The following SHKBP1 variants were observed in gnomAD, a reference collection of about 807,000 sequenced individuals.
SHKBP1 encodes the protein SH3KBP1-binding protein 1.
SHKBP1 carries 71 observed loss-of-function variants against 83.9 expected under a neutral mutation model. The observed-to-expected ratio is 0.85, with a 90% CI of 0.70 to 1.03. The LOEUF (loss-of-function observed/expected upper bound fraction) is 1.03, where lower values mean the gene tolerates loss of function less well. SHKBP1 is among the 50% of genes least tolerant of loss of function. The probability of loss-of-function intolerance (pLI) is 0.00; values close to 1 mark genes in which losing one functional copy is unlikely to be tolerated. For missense variants in SHKBP1, 824 were observed against 982.4 expected, an observed-to-expected ratio of 0.84 and a Z score of 2.16; for synonymous variants, 371 against 398.0, an observed-to-expected ratio of 0.93 and a Z score of 0.81.
chr19:40,577,497 G>A, intron 3 of SHKBP1, 56 bp downstream of exon 3: 1 of 1,613,966 alleles, frequency 6.2e-7, no homozygotes, highest in Non-Finnish European at 8.5e-7. Context: ...AGGAAGAGGG[G>A]CAGGACCCCA....
Position 40,590,905 on chromosome 19 carries a change from A to G in SHKBP1, c.1892+52A>G, listed in dbSNP as rs752922161. On this transcript the variant is annotated intron_variant, in intron 17 of 17. Coordinates refer to ENST00000291842, the MANE Select transcript of SHKBP1 (RefSeq NM_138392.4). The surrounding 1 kb of genome is among the most constrained non-coding windows in gnomAD (Gnocchi z 4.6). ...GTGCAATGAGGGGAGAGGGGACAGCATGGTGTTCCCGGGGACAGAGTGGCC... is the reference window on the plus strand; with the variant it reads ...GTGCAATGAGGGGAGAGGGGACAGCGTGGTGTTCCCGGGGACAGAGTGGCC... 1.4e-5 allele frequency: 22 copies of G among 1,569,874 alleles called. No homozygotes were observed. Among genetic ancestry groups the G allele is most frequent in the Admixed American group, 6.9e-5 (4 of 58,054 alleles).
intron 15 of SHKBP1, 118 bp downstream of exon 15, chr19:40,589,296 G>C: frequency 9.6e-7 from 1 of 1,043,550 alleles, no homozygotes; most frequent in Non-Finnish European, 1.4e-6. Context: ...TCCCAGCCAA[G>C]GAGCATTGAA....
chr19:40,578,733 G>C (rs908227094), intron 6 of SHKBP1, among the ~76,000 whole-genome samples, 191 bp downstream of exon 6: 2 of 152,138 alleles, frequency 1.3e-5, no homozygotes, highest in Admixed American at 1.3e-4. Flanking sequence ...CAATGGGCCA[G>C]CTAACTCTTG....
rs111870500 is a variant in SHKBP1, at chr19:40,582,991, A to T, written c.961-407A>T. On this transcript the variant is annotated intron_variant, in intron 10 of 17. Coordinates refer to ENST00000291842, the MANE Select transcript of SHKBP1 (RefSeq NM_138392.4). ...TGGGGGAACTCAGAGAGATAAATGGAGATGAATTAGAGTCATGTCAGAAGT... is the reference window on the plus strand; with the variant it reads ...TGGGGGAACTCAGAGAGATAAATGGTGATGAATTAGAGTCATGTCAGAAGT... Among the ~76,000 whole-genome samples the T allele has an allele frequency of 5.1e-3, 776 of 151,954 alleles. 2 individuals carry two copies. Among genetic ancestry groups the T allele is most frequent in the African/African-American group, 0.018 (737 of 41,420 alleles).
chr19:40,585,200 G>A (rs999792536), intron 12 of SHKBP1, among the ~76,000 whole-genome samples: 3 of 152,034 alleles, frequency 2.0e-5, no homozygotes, highest in Non-Finnish European at 4.4e-5. Context: ...TCCGCCACTC[G>A]GGCTCAAGCG....
rs991607949 is a variant in SHKBP1 at position 40,580,785 on chromosome 19, C to A, written c.693C>A (p.Ser231Arg). The part of the protein sequence containing the change: ...EASGWQLVFS[S>R]PRLDWPIERL... ...CTGGCTGGCAGCTGGTGTTTTCCAG[C>A]CCCCGCCTGGACTGGCCCATCGAAC... The change falls in exon 9 of 18, where the codon AGC (serine) becomes AGA (arginine). Residue 231 changes from serine to arginine, a missense_variant. This residue lies in a region of SHKBP1 where 355 missense variants were observed against 386.4 expected (regional missense o/e 0.92). Coordinates refer to ENST00000291842, the MANE Select transcript of SHKBP1 (RefSeq NM_138392.4). 6.2e-7 allele frequency: 1 copy of A among 1,610,852 alleles called. No individual in the cohort carries two copies. Among genetic ancestry groups the A allele is most frequent in the Admixed American group, 1.7e-5 (1 of 59,682 alleles).
At chr19:40,588,971 A>C in intron 14 of SHKBP1, 111 bp from the exon 15 acceptor site, 1 of 1,318,794 alleles carries the variant, frequency 7.6e-7, no homozygotes, top group Non-Finnish European at 1.1e-6. Flanking sequence ...CAACTCTAAC[A>C]ACCTGGGGAT....
chr19:40,577,945 C>T (rs988874080), intron 4 of SHKBP1: 7 of 600,338 alleles, frequency 1.2e-5, no homozygotes, highest in African/African-American at 4.7e-5. Flanking sequence ...TTCGATTTCT[C>T]CCTACACACA....
chr19:40,583,575 C>G (rs995323848), intron 11 of SHKBP1, 26 bp from the exon 12 acceptor site: 9 of 1,610,998 alleles, frequency 5.6e-6, no homozygotes, highest in Non-Finnish European at 7.6e-6. Context: ...GGAACAAACC[C>G]GCTCCACCCT....
chr19:40,581,537 AAAC>A (rs1414426001), intron 9 of SHKBP1, among the ~76,000 whole-genome samples: 1 of 150,394 alleles, frequency 6.6e-6, no homozygotes, highest in Non-Finnish European at 1.5e-5. Context: ...AAAAAAAAAA[AAAC>A]AAAAAAAGAA....
At chr19:40,588,904 T>A (rs1599847676) in intron 14 of SHKBP1, 125 bp downstream of exon 14, 2 of 1,379,702 alleles carry the variant, frequency 1.4e-6, no homozygotes, top group African/African-American at 1.4e-5. Flanking sequence ...GTCCTGATCC[T>A]TGAGGCACCT....
At position 40,580,877 on chromosome 19, in the gene SHKBP1, C is replaced by G. The variant is rs756151428; in HGVS notation, c.785C>G (p.Ala262Gly). Reference sequence around the variant, plus strand: ...GAACATGACAAGATGGTGGCAGCAGCCACCGGCAGCGAGATCCTGCTATGG... The same window carrying G: ...GAACATGACAAGATGGTGGCAGCAGGCACCGGCAGCGAGATCCTGCTATGG... ...LGEHDKMVAA[A>G]TGSEILLWAL... Residue 262 changes from alanine to glycine, a missense_variant, in exon 9 of 18, where the codon GCC becomes GGC. By Grantham distance (60) the Ala-to-Gly change is moderately conservative (BLOSUM62 0). Transcript: ENST00000291842. 2 of 1,611,460 alleles carry G rather than the reference C, an allele frequency of 1.2e-6. No homozygotes were observed. Among genetic ancestry groups the G allele is most frequent in the Non-Finnish European group, 1.7e-6 (2 of 1,178,716 alleles).
intron 6 of SHKBP1, among the ~76,000 whole-genome samples, chr19:40,578,963 A>G (rs1345381753): frequency 1.3e-5 from 2 of 152,156 alleles, no homozygotes; most frequent in Non-Finnish European, 2.9e-5. Context: ...GAAGTAACAG[A>G]GTAGGGAAAT....
chr19:40,583,725 A>G lies in SHKBP1; in HGVS notation c.1165+8A>G, dbSNP rs2145986506. Reference sequence around the variant, plus strand: ...ACCTCACCCCCAAGACCAGTAAGCTATGACCCGGCTTCCCCTGCTGCTGTC... The same window carrying G: ...ACCTCACCCCCAAGACCAGTAAGCTGTGACCCGGCTTCCCCTGCTGCTGTC... On this transcript the variant is annotated splice_region_variant and intron_variant, in intron 12 of 17. Coordinates refer to ENST00000291842, the MANE Select transcript of SHKBP1 (RefSeq NM_138392.4). 1 of 1,608,480 alleles carries G rather than the reference A, an allele frequency of 6.2e-7. No homozygotes were observed. The highest frequency in any genetic ancestry group is 8.5e-7 in the Non-Finnish European group (1 of 1,175,172).
chr19:40,582,056 G>A lies in SHKBP1; in HGVS notation c.845-295G>A, dbSNP rs117250855. Among the ~76,000 whole-genome samples, 736 of 152,002 alleles carry A rather than the reference G, an allele frequency of 4.8e-3. 8 individuals are homozygous for A. The highest frequency in any genetic ancestry group is 8.3e-3 in the South Asian group (40 of 4,810). ...CTTCCTCAACCTCCCAAGTAGCTGG[G>A]GCTACAGTTGTGTGCTACCACACTC... On this transcript the variant is annotated intron_variant, in intron 9 of 17. Coordinates refer to ENST00000291842, the MANE Select transcript of SHKBP1 (RefSeq NM_138392.4).
At chr19:40,577,972 C>A (rs1345274202) in intron 4 of SHKBP1, 182 bp from the exon 5 acceptor site, 3 of 678,982 alleles carry the variant, frequency 4.4e-6, no homozygotes, top group African/African-American at 1.8e-5. Flanking sequence ...CACACACACA[C>A]ACACACACAC....
chr19:40,580,338 C>T lies in SHKBP1; in HGVS notation c.415C>T (p.Arg139Trp), dbSNP rs780678344. ...YLPPPVFPVK[R>W]RNRHSLVGPQ... is the part of the protein sequence containing the mutation. The stretch of plus-strand genomic sequence containing the variant: ...TCTCACTGTAGTGTTCCCAGTGAAG[C>T]GGCGGAACCGGCACAGCCTAGTGGG... Residue 139 changes from arginine to tryptophan, a missense_variant, in exon 7 of 18, where the codon CGG (arginine) becomes TGG (tryptophan). Physicochemically the swap from Arg to Trp is moderately radical, Grantham distance 101. Transcript: ENST00000291842. 8.7e-6 allele frequency: 14 copies of T among 1,613,806 alleles called. No homozygotes were observed. Among genetic ancestry groups the T allele is most frequent in the African/African-American group, 1.3e-5 (1 of 74,912 alleles).
At chr19:40,584,263 A>C (rs2081294044) in intron 12 of SHKBP1, among the ~76,000 whole-genome samples, 1 of 150,938 alleles carries the variant, frequency 6.6e-6, no homozygotes, top group South Asian at 2.1e-4. Flanking sequence ...ATTAGGAGTT[A>C]ATCTTTGTGT....
chr19:40,591,286 C>CGGGTTCAG lies in SHKBP1; in HGVS notation c.*82_*89dup, dbSNP rs1443157314. The CGGGTTCAG allele has an allele frequency of 1.6e-5, 21 of 1,297,994 alleles. No individual in the cohort carries two copies. Among genetic ancestry groups the CGGGTTCAG allele is most frequent in the Admixed American group, 1.3e-4 (5 of 38,892 alleles). 80.4% of individuals were successfully genotyped at this position (1,297,994 alleles called of 1,614,324 possible). Reference sequence around the variant, plus strand: ...GCCTCCCTGATTCCTGTGGGAACCCCGGGTTCAGGGCCAGGGCCTCCTTGG... The same window carrying CGGGTTCAG: ...GCCTCCCTGATTCCTGTGGGAACCCCGGGTTCAGGGGTTCAGGGCCAGGGCCTCCTTGG... On this transcript the variant is annotated 3_prime_UTR_variant, in exon 18 of 18. Coordinates refer to ENST00000291842, the MANE Select transcript of SHKBP1 (RefSeq NM_138392.4).
Sources: allele counts gnomAD v4.1 joint callset (sites outside exome capture counted in the v4.1 genomes callset), GRCh38; gene constraint gnomAD v4.1.1; regional missense constraint gnomAD v4.1.1; non-coding constraint Gnocchi (gnomAD v3.1); transcripts MANE v1.5; gene names NCBI Gene and HGNC (gene_info 2026-07-23, HGNC 2026-07-21).